The following THSD7A variants were observed in gnomAD, a reference collection of about 807,000 sequenced individuals.
THSD7A encodes the protein thrombospondin type 1 domain containing 7A.
In THSD7A, 96 loss-of-function variants were observed where a neutral mutation model predicts 231.3. That is an observed-to-expected ratio of 0.41 (90% confidence interval 0.35 to 0.49). The LOEUF is 0.49. THSD7A is among the 20% of genes least tolerant of loss of function. The pLI is 0.05. For synonymous variants in THSD7A, 940 were observed against 743.3 expected, an observed-to-expected ratio of 1.26 and a Z score of -4.30; for missense variants, 2,290 against 2,070.2, an observed-to-expected ratio of 1.11 and a Z score of -2.06.
intron 9 of THSD7A, among the ~76,000 whole-genome samples, chr7:11,466,077 CT>C (rs1785693415): frequency 6.6e-6 from 1 of 152,070 alleles, no homozygotes; most frequent in Non-Finnish European, 1.5e-5. Context: ...TGGAATCCTA[CT>C]ATTCTGTTTT....
chr7:11,571,523 A>G (rs1185597430), intron 4 of THSD7A, among the ~76,000 whole-genome samples: 1 of 152,200 alleles, frequency 6.6e-6, no homozygotes, highest in Non-Finnish European at 1.5e-5. Flanking sequence ...TAAAAATTCT[A>G]TTATTACCAT....
chr7:11,730,050 C>A (rs997757284), intron 1 of THSD7A, among the ~76,000 whole-genome samples: 9 of 151,726 alleles, frequency 5.9e-5, no homozygotes, highest in African/African-American at 1.9e-4. Context: ...GTGAGTGAAT[C>A]TGAAATGACT....
intron 1 of THSD7A, among the ~76,000 whole-genome samples, chr7:11,783,392 T>G (rs1189958548): frequency 6.6e-6 from 1 of 151,924 alleles, no homozygotes; most frequent in Non-Finnish European, 1.5e-5. Flanking sequence ...ATACTCAAAG[T>G]ATGGTGCCTG....
intron 16 of THSD7A, among the ~76,000 whole-genome samples, chr7:11,423,399 C>T (rs1458867388): frequency 3.6e-5 from 5 of 139,414 alleles, no homozygotes; most frequent in African/African-American, 8.2e-5. Context: ...GATGGAGTCT[C>T]GCTCTGTCCC....
At chr7:11,550,182 A>G (rs192678331) in intron 4 of THSD7A, among the ~76,000 whole-genome samples, 2 of 152,294 alleles carry the variant, frequency 1.3e-5, no homozygotes, top group East Asian at 3.9e-4. Context: ...CAGAATATCC[A>G]TACACCAATA....
At chr7:11,512,572 G>A (rs574578374) in intron 6 of THSD7A, among the ~76,000 whole-genome samples, 90 of 152,076 alleles carry the variant, frequency 5.9e-4, no homozygotes, top group African/African-American at 2.1e-3. Flanking sequence ...AGAAACTGTG[G>A]CACATATACA....
At chr7:11,389,421 CTTTTTTTTTTTTTTTTTTTTTTTTTTTTT>C (rs57755425) in intron 23 of THSD7A, among the ~76,000 whole-genome samples, 3 of 37,588 alleles carry the variant, frequency 8.0e-5, no homozygotes, top group African/African-American at 2.9e-4. Context: ...GCAACTCCTG[CTTTTTTTTTTTTTTTTTTTTTTTTTTTTT>C]TTTTTTTTTT....
Position 11,636,371 on chromosome 7 carries a change from T to C in THSD7A, c.781A>G (p.Ser261Gly), listed in dbSNP as rs1259023748. The change falls in exon 2 of 28, where the codon AGC becomes GGC. Residue 261 changes from serine (S) to glycine (G), a missense_variant. Coordinates refer to ENST00000423059, the MANE Select transcript of THSD7A (RefSeq NM_015204.3). This position sits in a 1 kb window ranked among gnomAD's most constrained non-coding sequence, Gnocchi z 10.0. The part of the protein sequence containing the change: ...LRYSLHVGPW[S>G]TCSMPHSRQV... ...CGGGAGTGGGGCATTGAGCAGGTGC[T>C]CCAGGGCCCCACATGCAGGCTGTAC... is the stretch of plus-strand genomic sequence containing the variant. 6.2e-7 allele frequency: 1 copy of C among 1,613,822 alleles called. No individual in the cohort carries two copies. Among genetic ancestry groups the C allele is most frequent in the Non-Finnish European group, 8.5e-7 (1 of 1,179,876 alleles).
At chr7:11,553,969 AT>A (rs1413515698) in intron 4 of THSD7A, among the ~76,000 whole-genome samples, 2 of 151,962 alleles carry the variant, frequency 1.3e-5, no homozygotes, top group Admixed American at 1.3e-4. Flanking sequence ...TATATCTATA[AT>A]TTTTAAATTA....
intron 17 of THSD7A, among the ~76,000 whole-genome samples, 186 bp downstream of exon 17, chr7:11,417,264 C>T (rs1783992346): frequency 6.6e-6 from 1 of 152,114 alleles, no homozygotes; most frequent in South Asian, 2.1e-4. Context: ...TGAGAGGAAA[C>T]ATTACAGACT....
chr7:11,392,603 C>T (rs1464523180), intron 23 of THSD7A, among the ~76,000 whole-genome samples: 3 of 152,214 alleles, frequency 2.0e-5, no homozygotes, highest in Non-Finnish European at 4.4e-5. Context: ...ATCCCACCCC[C>T]ACAGAGCTCA....
At chr7:11,449,007 C>A (rs190981791) in intron 11 of THSD7A, among the ~76,000 whole-genome samples, 1 of 151,966 alleles carries the variant, frequency 6.6e-6, no homozygotes, top group Admixed American at 6.6e-5. Flanking sequence ...GAATCTACCC[C>A]CTTGAGGGAG....
At chr7:11,437,974 T>C (rs1326009491) in intron 13 of THSD7A, among the ~76,000 whole-genome samples, 5 of 151,916 alleles carry the variant, frequency 3.3e-5, no homozygotes, top group African/African-American at 4.8e-5. Context: ...AAATTGGGTA[T>C]TATAATTTTT....
At chr7:11,445,085 A>C (rs769271086) in intron 13 of THSD7A, among the ~76,000 whole-genome samples, 2 of 151,818 alleles carry the variant, frequency 1.3e-5, no homozygotes, top group Non-Finnish European at 2.9e-5. Flanking sequence ...GAACCATATA[A>C]TAAAACTGGA....
chr7:11,587,678 A>G (rs1204258541), intron 4 of THSD7A, among the ~76,000 whole-genome samples: 1 of 152,178 alleles, frequency 6.6e-6, no homozygotes, highest in Non-Finnish European at 1.5e-5. Context: ...TCCGAGGATA[A>G]GAATTTTTCT....
intron 16 of THSD7A, among the ~76,000 whole-genome samples, chr7:11,422,226 A>G (rs1353398532): frequency 6.6e-6 from 1 of 152,168 alleles, no homozygotes; most frequent in Non-Finnish European, 1.5e-5. Context: ...GTCAGTGAAA[A>G]AAATATCCTT....
intron 4 of THSD7A, among the ~76,000 whole-genome samples, chr7:11,589,318 T>C (rs569057372): frequency 6.6e-6 from 1 of 152,272 alleles, no homozygotes; most frequent in East Asian, 1.9e-4. Context: ...ACTGGTGAGA[T>C]TTACCCTTGG....
At chr7:11,786,596 C>A (rs1783800421) in intron 1 of THSD7A, among the ~76,000 whole-genome samples, 1 of 151,908 alleles carries the variant, frequency 6.6e-6, no homozygotes, top group Admixed American at 6.6e-5. Flanking sequence ...ATTTTAGCCA[C>A]AGAACTTCCT....
intron 6 of THSD7A, among the ~76,000 whole-genome samples, chr7:11,487,443 T>A (rs1037193669): frequency 6.6e-6 from 1 of 152,186 alleles, no homozygotes; most frequent in Admixed American, 6.6e-5. Context: ...AGTTTCAATG[T>A]TTCTTTGGTT....
Sources: gnomAD v4.1 joint callset for allele counts (sites outside exome capture counted in the v4.1 genomes callset) on GRCh38, gnomAD v4.1.1 for gene constraint, Gnocchi (gnomAD v3.1) non-coding constraint, MANE v1.5 for transcripts, NCBI Gene and HGNC (gene_info 2026-07-23, HGNC 2026-07-21) for gene names.